ZBTB40: variants seen among roughly 807,000 people sequenced by gnomAD.
ZBTB40 encodes the protein zinc finger and BTB domain-containing protein 40.
A neutral mutation model predicts 117.5 loss-of-function variants in ZBTB40; 60 were observed. The ratio of observed to expected loss-of-function variants is 0.51; its 90% confidence interval spans 0.41 to 0.63. ZBTB40 has a LOEUF of 0.63. Ranked by LOEUF, ZBTB40 falls within the 30% of genes least tolerant of loss-of-function variation. The pLI, the probability that ZBTB40 is intolerant of heterozygous loss-of-function variation, is 0.00. For missense variants in ZBTB40, 1,287 were observed against 1,498.5 expected, an observed-to-expected ratio of 0.86 and a Z score of 2.33; for synonymous variants, 525 against 577.1, an observed-to-expected ratio of 0.91 and a Z score of 1.29.
rs1192154734 is a variant in ZBTB40, at chr1:22,508,132, A to G, written c.1492A>G (p.Arg498Gly). The change falls in exon 7 of 18, where the codon AGA becomes GGA. Residue 498 changes from arginine (R) to glycine (G), a missense_variant. Arg to Gly is a moderately radical substitution (Grantham distance 125). Around this residue, in one of 2 missense-constraint regions of ZBTB40, gnomAD observed 870 missense variants for 934.4 expected, o/e 0.93. Transcript: ENST00000375647. Reference sequence around the variant, plus strand: ...CATGACAAGTTTAGCCCCTGGAGAAAGAGAGGTAAGAGAGGGAGAGAAACA... The same window carrying G: ...CATGACAAGTTTAGCCCCTGGAGAAGGAGAGGTAAGAGAGGGAGAGAAACA... ...SHMTSLAPGE[R>G]EVMEKLVKRD... 3 of 1,613,656 alleles carry G rather than the reference A, an allele frequency of 1.9e-6. No homozygotes were observed. Among genetic ancestry groups the G allele is most frequent in the African/African-American group, 1.3e-5 (1 of 74,918 alleles).
At chr1:22,440,144 C>T (rs1244867928) in intron 1 of ZBTB40, among the ~76,000 whole-genome samples, 1 of 152,112 alleles carries the variant, frequency 6.6e-6, no homozygotes, top group Non-Finnish European at 1.5e-5. Context: ...TATAGAAATA[C>T]AACTGATTTT....
intron 1 of ZBTB40, among the ~76,000 whole-genome samples, chr1:22,470,624 G>C (rs1397410277): frequency 6.6e-6 from 1 of 152,218 alleles, no homozygotes; most frequent in African/African-American, 2.4e-5. Flanking sequence ...GAGAGAAAGA[G>C]ACTGAAAAAT....
intron 13 of ZBTB40, among the ~76,000 whole-genome samples, chr1:22,519,218 A>G (rs769895399): frequency 1.8e-4 from 28 of 152,240 alleles, no homozygotes; most frequent in Non-Finnish European, 3.7e-4. Context: ...TTTTATTAAA[A>G]CATTTTGATT....
intron 1 of ZBTB40, among the ~76,000 whole-genome samples, chr1:22,475,861 A>G (rs1340836646): frequency 6.6e-6 from 1 of 152,290 alleles, no homozygotes; most frequent in East Asian, 1.9e-4. Flanking sequence ...ATAGTTAATT[A>G]TTTATGTATG....
Position 22,520,042 on chromosome 1 carries a change from G to A in ZBTB40, c.2834-19G>A, listed in dbSNP as rs765299649. On this transcript the variant is annotated intron_variant, in intron 13 of 17. Coordinates refer to ENST00000375647, the MANE Select transcript of ZBTB40 (RefSeq NM_014870.4). ...TTTCCTCTCCACCTCTTCCTCTCAT[G>A]GATGTCCCGTGAAACTAGACATAGA... 2 of 1,610,748 alleles carry A rather than the reference G, an allele frequency of 1.2e-6. No individual in the cohort carries two copies. Among genetic ancestry groups the A allele is most frequent in the Non-Finnish European group, 1.7e-6 (2 of 1,177,046 alleles).
At chr1:22,521,426 A>C in intron 14 of ZBTB40, 70 bp from the exon 15 acceptor site, 1 of 1,588,052 alleles carries the variant, frequency 6.3e-7, no homozygotes, top group Non-Finnish European at 8.6e-7. Context: ...TCTTTCTCTC[A>C]TGAGAGCCTC....
intron 1 of ZBTB40, among the ~76,000 whole-genome samples, chr1:22,470,270 G>A (rs1013618741): frequency 2.8e-4 from 43 of 152,220 alleles, no homozygotes; most frequent in Admixed American, 2.7e-3. Context: ...AATTCTGACT[G>A]TTATCCTTCT....
intron 1 of ZBTB40, among the ~76,000 whole-genome samples, chr1:22,481,027 G>A (rs917305721): frequency 1.3e-5 from 2 of 152,062 alleles, no homozygotes; most frequent in Non-Finnish European, 2.9e-5. Context: ...CCAGCTTAGG[G>A]CCTGTACAGG....
chr1:22,442,343 T>C lies in ZBTB40; in HGVS notation c.-70+13329T>C, dbSNP rs2124367986. On this transcript the variant is annotated intron_variant, in intron 1 of 8. Transcript: ENST00000650433. Reference sequence around the variant, plus strand: ...CCCAAGGTCAGGCAAGAAAGTTTATTAACCTGCTGGGCTGCTCTGCCACAG... The same window carrying C: ...CCCAAGGTCAGGCAAGAAAGTTTATCAACCTGCTGGGCTGCTCTGCCACAG... 2.0e-5 allele frequency among the ~76,000 whole-genome samples: 3 copies of C among 152,234 alleles called. 1 individual carries two copies. In the South Asian group the frequency reaches 6.2e-4, roughly 32 times the overall value.
chr1:22,484,455 G>A (rs1411998911), intron 1 of ZBTB40, among the ~76,000 whole-genome samples: 18 of 152,036 alleles, frequency 1.2e-4, no homozygotes, highest in Admixed American at 1.1e-3. Flanking sequence ...CCTTATTGCT[G>A]GTATATAGGA....
At position 22,513,140 on chromosome 1, in the gene ZBTB40, G is replaced by C. The variant is rs1212770775; in HGVS notation, c.2668+10G>C. On this transcript the variant is annotated intron_variant, in intron 12 of 17. Transcript: ENST00000375647. The surrounding 1 kb of genome is among the most constrained non-coding windows in gnomAD (Gnocchi z 4.9). ...AAGAAGCACTCAGAAGGTAAGGCGG[G>C]GCACAGTTCATTTCTCCTGCAGACT... 6.2e-7 allele frequency: 1 copy of C among 1,612,448 alleles called. No individual in the cohort carries two copies. Among genetic ancestry groups the C allele is most frequent in the Non-Finnish European group, 8.5e-7 (1 of 1,179,410 alleles).
chr1:22,525,581 G>A (rs1030182352), intron 17 of ZBTB40, among the ~76,000 whole-genome samples: 3 of 152,252 alleles, frequency 2.0e-5, no homozygotes, highest in African/African-American at 7.2e-5. Flanking sequence ...AGTTGGAAAG[G>A]TGGTCTCTAA....
intron 1 of ZBTB40, among the ~76,000 whole-genome samples, chr1:22,488,862 A>C (rs964976369): frequency 3.3e-5 from 5 of 152,198 alleles, no homozygotes; most frequent in African/African-American, 1.2e-4. Flanking sequence ...TTGCTGCAGT[A>C]ATCTAGGTAA....
Position 22,527,407 on chromosome 1 carries a change from A to C in ZBTB40, c.*1011A>C, listed in dbSNP as rs951677585. 1 of 152,370 alleles carries C rather than the reference A, an allele frequency of 6.6e-6. No individual in the cohort carries two copies. The highest frequency in any genetic ancestry group is 1.5e-5 in the Non-Finnish European group (1 of 68,046). The allele number at this position is 152,370 out of a possible 1,614,324, so 9.4% of individuals were successfully genotyped here. Reference sequence around the variant, plus strand: ...TCCCGCAGGCCGCCACACTTATTGCAGGTCAGTGATCCTTTGGAGTTTGAA... The same window carrying C: ...TCCCGCAGGCCGCCACACTTATTGCCGGTCAGTGATCCTTTGGAGTTTGAA... On this transcript the variant is annotated 3_prime_UTR_variant, in exon 18 of 18. Transcript: ENST00000375647.
At chr1:22,503,988 T>G (rs1391835678) in intron 5 of ZBTB40, among the ~76,000 whole-genome samples, 2 of 152,254 alleles carry the variant, frequency 1.3e-5, no homozygotes, top group African/African-American at 4.8e-5. Flanking sequence ...CACACTGTCA[T>G]TTTCTTCTGT....
Position 22,508,582 on chromosome 1 carries a change from T to C in ZBTB40, c.1550T>C (p.Leu517Pro). Residue 517 changes from leucine (L) to proline (P), a missense_variant, in exon 8 of 18, where the codon CTG becomes CCG. Leu to Pro is a moderately conservative substitution (Grantham distance 98). Around this residue, in one of 2 missense-constraint regions of ZBTB40, gnomAD observed 870 missense variants for 934.4 expected, o/e 0.93. Coordinates refer to ENST00000375647, the MANE Select transcript of ZBTB40 (RefSeq NM_014870.4). ...RDSGSGGFNSLISAVLEKQTL... is the reference protein window; with the variant it reads ...RDSGSGGFNSPISAVLEKQTL... ...TCTGGTTCAGGTGGTTTCAATTCTC[T>C]GATATCAGCAGTTCTAGAAAAGCAG... 1 of 1,614,234 alleles carries C rather than the reference T, an allele frequency of 6.2e-7. No individual in the cohort carries two copies. The highest frequency in any genetic ancestry group is 8.5e-7 in the Non-Finnish European group (1 of 1,180,038).
chr1:22,521,695 G>T (rs150525709), intron 15 of ZBTB40, 37 bp downstream of exon 15: 1 of 1,614,014 alleles, frequency 6.2e-7, no homozygotes, highest in East Asian at 2.2e-5. Flanking sequence ...AGCGGGAGGG[G>T]CTTGATGGTG....
intron 7 of ZBTB40, 96 bp from the exon 8 acceptor site, chr1:22,508,434 C>T: frequency 2.1e-6 from 3 of 1,444,384 alleles, no homozygotes; most frequent in Non-Finnish European, 1.9e-6. Flanking sequence ...CTTCCCCAAA[C>T]ATATTCACTG....
intron 3 of ZBTB40, among the ~76,000 whole-genome samples, chr1:22,492,967 A>G (rs1050153860): frequency 6.6e-6 from 1 of 152,164 alleles, no homozygotes; most frequent in African/African-American, 2.4e-5. Context: ...TCTCCACTTA[A>G]CTTTGGCTAC....
Sources: gnomAD v4.1 joint callset for allele counts (sites outside exome capture counted in the v4.1 genomes callset) on GRCh38, gnomAD v4.1.1 for gene constraint, gnomAD v4.1.1 regional missense constraint, Gnocchi (gnomAD v3.1) non-coding constraint, MANE v1.5 for transcripts, NCBI Gene and HGNC (gene_info 2026-07-23, HGNC 2026-07-21) for gene names.